The following STARD13 variants were observed in gnomAD, a reference collection of about 807,000 sequenced individuals.
STARD13 encodes the protein stAR-related lipid transfer protein 13.
Under a neutral mutation model 106.4 loss-of-function variants are expected in STARD13, and 62 were observed. The observed-to-expected ratio is 0.58, with a 90% CI of 0.48 to 0.72. The LOEUF (loss-of-function observed/expected upper bound fraction) is 0.72. STARD13 is among the 30% of genes least tolerant of loss of function. STARD13 has a pLI of 0.00. For synonymous variants in STARD13, 565 were observed against 553.0 expected (o/e 1.02, Z -0.31); for missense variants, 1,387 against 1,424.0 (o/e 0.97, Z 0.42).
intron 1 of STARD13, among the ~76,000 whole-genome samples, chr13:33,193,569 A>C (rs753418730): frequency 4.6e-5 from 7 of 152,340 alleles, no homozygotes; most frequent in Non-Finnish European, 8.8e-5. Context: ...CTTAGAACAC[A>C]ACCAGCGACA....
chr13:33,185,595 T>A (rs574938233), intron 1 of STARD13, among the ~76,000 whole-genome samples: 1 of 152,300 alleles, frequency 6.6e-6, no homozygotes, highest in Admixed American at 6.5e-5. Flanking sequence ...TAGTTGGCAA[T>A]GGTGCTAAAC....
At chr13:33,451,758 G>A in the STARD13 span, among the ~76,000 whole-genome samples, 2 of 152,108 alleles carry the variant, frequency 1.3e-5, no homozygotes, top group African/African-American at 4.8e-5. Flanking sequence ...ATCTTGGCAT[G>A]ATAGCATTTG....
At chr13:33,464,248 A>G in the STARD13 span, among the ~76,000 whole-genome samples, 97 of 152,050 alleles carry the variant, frequency 6.4e-4, 1 homozygote, top group African/African-American at 8.2e-4. Context: ...AGGGTATTTT[A>G]TTATACTAGT....
At chr13:33,573,217 C>T in the STARD13 span, among the ~76,000 whole-genome samples, 1,905 of 152,168 alleles carry the variant, frequency 0.013, 33 homozygotes, top group African/African-American at 0.043. Flanking sequence ...AGCTCATACA[C>T]TATAAACATT....
At chr13:33,655,335 A>T in the STARD13 span, among the ~76,000 whole-genome samples, 1 of 152,248 alleles carries the variant, frequency 6.6e-6, no homozygotes, top group African/African-American at 2.4e-5. Flanking sequence ...AAATATAATT[A>T]TTGGCAAGAA....
chr13:33,269,473 C>T (rs1891056064), intron 1 of STARD13, among the ~76,000 whole-genome samples: 1 of 152,164 alleles, frequency 6.6e-6, no homozygotes, highest in Non-Finnish European at 1.5e-5. Context: ...AGACAGCCCG[C>T]TAAGACCACA....
chr13:33,106,777 T>C lies in STARD13; in HGVS notation c.3205A>G (p.Ile1069Val), dbSNP rs1193760951. ...CGSGKSRLTH[I>V]CRIDLKGHSP... ...ACTTACTTCAGGTCTATCCTGCAGA[T>C]GTGAGTCAGTCTTGACTTGCCAGAG... The change falls in exon 13 of 14, where the codon ATC becomes GTC. Residue 1069 changes from isoleucine (I) to valine (V), a missense_variant. By Grantham distance (29) the Ile-to-Val change is conservative (BLOSUM62 3). Coordinates refer to ENST00000336934, the MANE Select transcript of STARD13 (RefSeq NM_178006.4). 3 of 1,613,486 alleles carry C rather than the reference T, an allele frequency of 1.9e-6. No homozygotes were observed. In the South Asian group the frequency reaches 3.3e-5, roughly 18 times the overall value.
intron 1 of STARD13, among the ~76,000 whole-genome samples, chr13:33,211,831 G>GTGTGTGTGTGTGTA (rs1887738698): frequency 1.1e-5 from 1 of 93,656 alleles, no homozygotes; most frequent in African/African-American, 2.9e-5. Context: ...GTGTGTATGT[G>GTGTGTGTGTGTGTA]TGTGTGTGTG....
chr13:33,567,066 C>T, the STARD13 span, among the ~76,000 whole-genome samples: 88 of 148,254 alleles, frequency 5.9e-4, 10 homozygotes, highest in Admixed American at 3.0e-3. Flanking sequence ...ATCAGCCTTT[C>T]TCCAAAGCTT....
chr13:33,637,546 T>C, the STARD13 span, among the ~76,000 whole-genome samples: 2 of 152,194 alleles, frequency 1.3e-5, no homozygotes, highest in East Asian at 1.9e-4. Context: ...AATATCAATA[T>C]TATTTTGATT....
chr13:33,674,365 TA>T, the STARD13 span, among the ~76,000 whole-genome samples: 4 of 152,104 alleles, frequency 2.6e-5, no homozygotes, highest in African/African-American at 9.7e-5. Flanking sequence ...ATTCATTCAA[TA>T]AAAAATGAAA....
At chr13:33,252,384 C>T (rs987582188) in intron 1 of STARD13, among the ~76,000 whole-genome samples, 3 of 152,350 alleles carry the variant, frequency 2.0e-5, no homozygotes, top group South Asian at 2.1e-4. Context: ...ACTGAAATAG[C>T]TGCACAACAG....
At chr13:33,490,725 G>A in the STARD13 span, among the ~76,000 whole-genome samples, 3 of 152,104 alleles carry the variant, frequency 2.0e-5, no homozygotes, top group South Asian at 2.1e-4. Flanking sequence ...CAATTTTTCC[G>A]GGACACTGGA....
At chr13:33,350,462 G>A in exon 1 of STARD13, 1 of 1,502,214 alleles carries the variant, frequency 6.7e-7, no homozygotes, top group Non-Finnish European at 8.9e-7. Flanking sequence ...CGCCACTCCC[G>A]CGTGGCCCGC....
In STARD13 at chr13:33,285,514, C is replaced by A; in HGVS notation, c.125G>T (p.Ser42Ile). 6.2e-7 allele frequency: 1 copy of A among 1,614,038 alleles called. No individual in the cohort carries two copies. The highest frequency in any genetic ancestry group is 8.5e-7 in the Non-Finnish European group (1 of 1,179,908). The change falls in exon 1 of 14, where the codon AGC (serine) becomes ATC (isoleucine). Residue 42 changes from serine (S) to isoleucine (I), a missense_variant. Physicochemically the swap from Ser to Ile is moderately radical, Grantham distance 142. Coordinates refer to ENST00000336934, the MANE Select transcript of STARD13 (RefSeq NM_178006.4). ...QTTRRSPYRM[S>I]RILARHQLVT... Reference sequence around the variant, plus strand: ...TAGCTGATGGCGTGCTAGAATCCGGCTCATCCTGTAAGGAGAGCGTCTTGT... The same window carrying A: ...TAGCTGATGGCGTGCTAGAATCCGGATCATCCTGTAAGGAGAGCGTCTTGT...
chr13:33,455,957 A>C, the STARD13 span, among the ~76,000 whole-genome samples: 6 of 152,170 alleles, frequency 3.9e-5, no homozygotes. Context: ...AAATAAATAA[A>C]TTAAATAAAT....
At chr13:33,446,168 C>G in the STARD13 span, among the ~76,000 whole-genome samples, 2 of 152,202 alleles carry the variant, frequency 1.3e-5, no homozygotes, top group South Asian at 4.1e-4. Flanking sequence ...ATATAATGTT[C>G]CTTATTTACC....
the STARD13 span, among the ~76,000 whole-genome samples, chr13:33,599,277 C>G: frequency 6.6e-6 from 1 of 152,188 alleles, no homozygotes; most frequent in Non-Finnish European, 1.5e-5. Context: ...ACTTATAACA[C>G]TGGAACTAGA....
At chr13:33,518,913 A>G in the STARD13 span, among the ~76,000 whole-genome samples, 4 of 152,090 alleles carry the variant, frequency 2.6e-5, no homozygotes, top group African/African-American at 4.8e-5. Flanking sequence ...GGCTATTCCA[A>G]TGGGTCCTGT....
Sources: allele counts gnomAD v4.1 joint callset (sites outside exome capture counted in the v4.1 genomes callset), GRCh38; gene constraint gnomAD v4.1.1; transcripts MANE v1.5; gene names NCBI Gene and HGNC (gene_info 2026-07-23, HGNC 2026-07-21).